Variants in SLC10A2 observed in about 807,000 individuals in gnomAD.
SLC10A2 encodes the protein solute carrier family 10 member 2, also known as ileal sodium/bile acid cotransporter.
SLC10A2 carries 34 observed loss-of-function variants against 27.1 expected under a neutral mutation model. The ratio of observed to expected loss-of-function variants is 1.26; its 90% CI spans 0.96 to 1.67. SLC10A2 has a LOEUF of 1.67. Ranked by LOEUF, SLC10A2 falls within the 40% of genes most tolerant of loss-of-function variation. SLC10A2 has a pLI of 0.00. For synonymous variants in SLC10A2, 205 were observed against 174.0 expected, an observed-to-expected ratio of 1.18 and a Z score of -1.40; for missense variants, 530 against 444.4, an observed-to-expected ratio of 1.19 and a Z score of -1.73.
At chr13:103,059,008 T>A (rs1345144829) in intron 1 of SLC10A2, among the ~76,000 whole-genome samples, 3 of 152,210 alleles carry the variant, frequency 2.0e-5, no homozygotes, top group African/African-American at 7.2e-5. Context: ...GTATTTCTGT[T>A]TTTAGGTCTT....
chr13:103,051,168 T>C, intron 4 of SLC10A2, 89 bp downstream of exon 4: 1 of 1,310,382 alleles, frequency 7.6e-7, no homozygotes, highest in South Asian at 1.2e-5. Flanking sequence ...GCCACTCAGT[T>C]TGTGGTTCTG....
chr13:103,051,467 A>T, intron 3 of SLC10A2, 35 bp from the exon 4 acceptor site: 2 of 1,610,512 alleles, frequency 1.2e-6, no homozygotes, highest in Non-Finnish European at 1.7e-6. Flanking sequence ...CCCAGCAATC[A>T]TGAGTCAAAG....
rs760485129 is a variant in SLC10A2 at position 103,051,288 on chromosome 13, G to T, written c.730C>A (p.Leu244Met). ...PVAGYSLGFL[L>M]ARIAGLPWYR... The stretch of plus-strand genomic sequence containing the variant: ...CAGGGTAGACCAGCAATTCTAGCCA[G>T]AAGAAACCCCAGGGAGTAACCCGCC... The change falls in exon 4 of 6, where the codon CTG becomes ATG. Residue 244 changes from leucine (L) to methionine (M), a missense_variant. Physicochemically the swap from Leu to Met is conservative, Grantham distance 15 (BLOSUM62 2). Coordinates refer to ENST00000245312, the MANE Select transcript of SLC10A2 (RefSeq NM_000452.3). The T allele has an allele frequency of 1.1e-5, 17 of 1,614,084 alleles. 1 individual carries two copies. Among genetic ancestry groups the T allele is most frequent in the South Asian group, 9.9e-5 (9 of 91,080 alleles).
rs1875568923 is a variant in SLC10A2, at chr13:103,045,120, A to C, written c.*1013T>G. ...TAATTGACTCTAGTTAAGCATTTCA[A>C]CCAGGTTTCTGTTACTTGTGTTTTC... On this transcript the variant is annotated 3_prime_UTR_variant, in exon 6 of 6. Transcript: ENST00000245312. 1 of 152,210 alleles carries C rather than the reference A, an allele frequency of 6.6e-6. No homozygotes were observed. The highest frequency in any genetic ancestry group is 1.9e-4 in the East Asian group (1 of 5,192). The allele number at this position is 152,210 out of a possible 1,614,324, so 9.4% of individuals were successfully genotyped here.
chr13:103,057,847 C>A (rs554250486), intron 2 of SLC10A2, among the ~76,000 whole-genome samples: 1 of 152,006 alleles, frequency 6.6e-6, no homozygotes, highest in African/African-American at 2.4e-5. Flanking sequence ...CCCCTGCACT[C>A]CAGGCTGGGT....
At chr13:103,056,500 A>C (rs1875942274) in intron 2 of SLC10A2, among the ~76,000 whole-genome samples, 1 of 152,188 alleles carries the variant, frequency 6.6e-6, no homozygotes, top group Non-Finnish European at 1.5e-5. Flanking sequence ...GTCATTTCTC[A>C]GAAGGGAATG....
At chr13:103,057,469 G>T (rs1267857947) in intron 2 of SLC10A2, among the ~76,000 whole-genome samples, 1 of 152,170 alleles carries the variant, frequency 6.6e-6, no homozygotes, top group Non-Finnish European at 1.5e-5. Flanking sequence ...CAACTTTTGG[G>T]TCAAGGTGTG....
At chr13:103,052,877 C>G (rs1288728107) in intron 2 of SLC10A2, among the ~76,000 whole-genome samples, 169 bp from the exon 3 acceptor site, 1 of 152,174 alleles carries the variant, frequency 6.6e-6, no homozygotes, top group Non-Finnish European at 1.5e-5. Flanking sequence ...CACACACTCA[C>G]TCAACTTCTT....
intron 2 of SLC10A2, among the ~76,000 whole-genome samples, chr13:103,055,579 A>G (rs911404724): frequency 5.9e-5 from 9 of 152,210 alleles, no homozygotes; most frequent in African/African-American, 2.2e-4. Flanking sequence ...AGAAAAACCA[A>G]CAGCAAAAAG....
intron 3 of SLC10A2, among the ~76,000 whole-genome samples, chr13:103,052,321 A>G (rs561383077): frequency 5.7e-4 from 87 of 152,252 alleles, no homozygotes; most frequent in African/African-American, 2.0e-3. Context: ...CTGTGACTGC[A>G]ATAAAGAAGG....
chr13:103,046,308 T>G, intron 5 of SLC10A2, 48 bp from the exon 6 acceptor site: 1 of 1,475,554 alleles, frequency 6.8e-7, no homozygotes, highest in Non-Finnish European at 9.4e-7. Context: ...AATAATAAAC[T>G]GCAAAATTAC....
In SLC10A2 at chr13:103,051,311, G is replaced by C. The variant is rs776680092; in HGVS notation, c.707C>G (p.Ala236Gly). 1.9e-6 allele frequency: 3 copies of C among 1,613,918 alleles called. No homozygotes were observed. The highest frequency in any genetic ancestry group is 2.2e-5 in the South Asian group (2 of 91,074). Reference sequence around the variant, plus strand: ...CAGAAGAAACCCCAGGGAGTAACCCGCCACAGGAAATATTGTTCCTATAAT... The same window carrying C: ...CAGAAGAAACCCCAGGGAGTAACCCCCCACAGGAAATATTGTTCCTATAAT... Reference protein sequence around the residue: ...LWIIGTIFPVAGYSLGFLLAR... With the variant: ...LWIIGTIFPVGGYSLGFLLAR... The change falls in exon 4 of 6, where the codon GCG becomes GGG. Residue 236 changes from alanine to glycine, a missense_variant. By Grantham distance (60) the Ala-to-Gly change is moderately conservative (BLOSUM62 0). Coordinates refer to ENST00000245312, the MANE Select transcript of SLC10A2 (RefSeq NM_000452.3).
At chr13:103,063,983 C>T (rs1252514794) in intron 1 of SLC10A2, among the ~76,000 whole-genome samples, 2 of 152,182 alleles carry the variant, frequency 1.3e-5, no homozygotes, top group Admixed American at 1.3e-4. Flanking sequence ...ACTCTGCTTC[C>T]TTCCCCGCTT....
chr13:103,062,565 C>T (rs903094546), intron 1 of SLC10A2, among the ~76,000 whole-genome samples: 6 of 152,010 alleles, frequency 3.9e-5, no homozygotes, highest in African/African-American at 1.4e-4. Flanking sequence ...AGGAAAAAGC[C>T]GAATGGTTTT....
chr13:103,057,410 A>G (rs1021159737), intron 2 of SLC10A2, among the ~76,000 whole-genome samples: 5 of 152,192 alleles, frequency 3.3e-5, no homozygotes, highest in Admixed American at 1.3e-4. Flanking sequence ...AATGAGACAG[A>G]GTCATTACTA....
rs545636455 is a variant in SLC10A2 at position 103,058,142 on chromosome 13, A to T, written c.496+122T>A. 504 of 773,744 alleles carry T rather than the reference A, an allele frequency of 6.5e-4. 1 individual carries two copies. The highest frequency in any genetic ancestry group is 1.1e-3 in the Non-Finnish European group (467 of 417,984). The allele number at this position is 773,744 out of a possible 1,614,324, so 47.9% of individuals were successfully genotyped here. ...AACGCAGGGGTGACTTTATAATGAAATCAGGCAAAAACTCCTACTAGGGCA... is the reference window on the plus strand; with the variant it reads ...AACGCAGGGGTGACTTTATAATGAATTCAGGCAAAAACTCCTACTAGGGCA... On this transcript the variant is annotated intron_variant, in intron 2 of 5. Coordinates refer to ENST00000245312, the MANE Select transcript of SLC10A2 (RefSeq NM_000452.3).
Position 103,049,320 on chromosome 13 carries a change from G to C in SLC10A2, c.888C>G (p.Phe296Leu), listed in dbSNP as rs201615316. ...AGAATATTGCGGCAAAGGCGAGCTGGAAAATGCTGTAGATGAGCGGGAAGG... is the reference window on the plus strand; with the variant it reads ...AGAATATTGCGGCAAAGGCGAGCTGCAAAATGCTGTAGATGAGCGGGAAGG... ...VFTFPLIYSI[F>L]QLAFAAIFLG... Residue 296 changes from phenylalanine to leucine, a missense_variant, in exon 5 of 6, where the codon TTC (phenylalanine) becomes TTG (leucine). Transcript: ENST00000245312. 1.3e-4 allele frequency: 217 copies of C among 1,613,812 alleles called. No homozygotes were observed. The highest frequency in any genetic ancestry group is 1.7e-4 in the Non-Finnish European group (203 of 1,179,876).
chr13:103,055,360 T>G (rs1301652624), intron 2 of SLC10A2, among the ~76,000 whole-genome samples: 1 of 152,162 alleles, frequency 6.6e-6, no homozygotes, highest in East Asian at 1.9e-4. Flanking sequence ...GATGTCAGCA[T>G]CTGAGGGGGC....
chr13:103,066,265 T>C lies in SLC10A2; in HGVS notation c.-16A>G. 1 of 1,590,104 alleles carries C rather than the reference T, an allele frequency of 6.3e-7. No homozygotes were observed. Among genetic ancestry groups the C allele is most frequent in the Non-Finnish European group, 8.6e-7 (1 of 1,165,340 alleles). ...GATCATTCATTGCTGGGTCTGCTGC[T>C]GGAAAGGCCAAGTCCACAGAAGCGC... On this transcript the variant is annotated 5_prime_UTR_variant, in exon 1 of 6. Coordinates refer to ENST00000245312, the MANE Select transcript of SLC10A2 (RefSeq NM_000452.3).
Sources: gnomAD v4.1 joint callset for allele counts (sites outside exome capture counted in the v4.1 genomes callset) on GRCh38, gnomAD v4.1.1 for gene constraint, MANE v1.5 for transcripts, NCBI Gene and HGNC (gene_info 2026-07-23, HGNC 2026-07-21) for gene names.